NAV2: variants seen among roughly 807,000 people sequenced by gnomAD.
NAV2 encodes the protein helicase, APC down-regulated 1.
Under a neutral mutation model 223.2 loss-of-function variants are expected in NAV2, and 54 were observed. That is an observed-to-expected ratio of 0.24 (90% CI 0.19 to 0.30). NAV2 has a LOEUF of 0.30. Ranked by LOEUF, NAV2 falls within the 10% of genes least tolerant of loss-of-function variation. NAV2 has a pLI of 1.00. For synonymous variants in NAV2, 1,279 were observed against 1,239.3 expected, an observed-to-expected ratio of 1.03 and a Z score of -0.67; for missense variants, 2,806 against 3,147.5, an observed-to-expected ratio of 0.89 and a Z score of 2.60.
intron 1 of NAV2, among the ~76,000 whole-genome samples, chr11:19,657,081 G>T (rs2048148364): frequency 6.6e-6 from 1 of 152,176 alleles, no homozygotes; most frequent in Non-Finnish European, 1.5e-5. Context: ...TGTTGAGTGG[G>T]AAGTTAGCTC....
chr11:19,470,582 A>G (rs1357757214), intron 1 of NAV2, among the ~76,000 whole-genome samples: 1 of 152,198 alleles, frequency 6.6e-6, no homozygotes, highest in Non-Finnish European at 1.5e-5. Context: ...TCCCATGACA[A>G]TGACAATAAT....
intron 10 of NAV2, among the ~76,000 whole-genome samples, chr11:19,963,263 C>G (rs2048488015): frequency 6.6e-6 from 1 of 152,142 alleles, no homozygotes; most frequent in South Asian, 2.1e-4. Context: ...GTTTCTCGTC[C>G]CAGTTTTACA....
At chr11:19,912,249 C>A (rs557527050) in intron 6 of NAV2, among the ~76,000 whole-genome samples, 7 of 152,180 alleles carry the variant, frequency 4.6e-5, no homozygotes, top group Non-Finnish European at 1.0e-4. Context: ...CTCTAGGACA[C>A]TTTGCTGCTT....
chr11:19,511,009 C>A lies in NAV2; in HGVS notation c.75+159982C>A, dbSNP rs74894720. On this transcript the variant is annotated intron_variant, in intron 1 of 37. Coordinates refer to the NAV2 transcript ENST00000360655. ...GTTCACATGCTCCATGTTTTTTGATCCCCACGTAAGGCTGTGAGATAGACT... is the reference window on the plus strand; with the variant it reads ...GTTCACATGCTCCATGTTTTTTGATACCCACGTAAGGCTGTGAGATAGACT... The A allele has an allele frequency of 5.2e-3, 789 of 152,282 alleles. 3 individuals carry two copies. The highest frequency in any genetic ancestry group is 0.018 in the African/African-American group (763 of 41,558). 9.4% of individuals were successfully genotyped at this position (152,282 alleles called of 1,614,324 possible).
rs116702780 is a variant in NAV2, at chr11:20,061,960, G to T, written c.4832-347G>T. Among the ~76,000 whole-genome samples, 882 of 152,276 alleles carry T rather than the reference G, an allele frequency of 5.8e-3. 11 individuals are homozygous for T. The highest frequency in any genetic ancestry group is 0.021 in the African/African-American group (854 of 41,550). On this transcript the variant is annotated intron_variant, in intron 19 of 37. Coordinates refer to ENST00000349880, the MANE Select transcript of NAV2 (RefSeq NM_145117.5). ...GCTGGAACAGTAACAGGTTGCCTCC[G>T]GGCAATGCAATTGTGAGTCAGTGCA...
intron 1 of NAV2, among the ~76,000 whole-genome samples, chr11:19,663,300 T>G (rs542734539): frequency 6.6e-6 from 1 of 152,222 alleles, no homozygotes; most frequent in Non-Finnish European, 1.5e-5. Flanking sequence ...GGGTGCTTAT[T>G]ATATGGTGGG....
chr11:19,995,780 T>C (rs748047396), intron 11 of NAV2, among the ~76,000 whole-genome samples: 5 of 152,252 alleles, frequency 3.3e-5, no homozygotes, highest in Non-Finnish European at 7.3e-5. Context: ...GAAATTGTAG[T>C]CTTGTTTTCA....
intron 1 of NAV2, among the ~76,000 whole-genome samples, chr11:19,830,320 G>A (rs2059863370): frequency 6.6e-6 from 1 of 152,198 alleles, no homozygotes; most frequent in Non-Finnish European, 1.5e-5. Context: ...GCCACGGAAG[G>A]GATGAATAAC....
At chr11:19,444,716 TTATTATTATTACTAATTATTA>T (rs958631621) in intron 1 of NAV2, among the ~76,000 whole-genome samples, 4 of 17,418 alleles carry the variant, frequency 2.3e-4, no homozygotes, top group Non-Finnish European at 2.9e-4. Flanking sequence ...TGTTCCTTTA[TTATTATTATTACTAATTATTA>T]TATTATTACT....
chr11:19,620,528 A>G (rs1464861883), intron 1 of NAV2, among the ~76,000 whole-genome samples: 1 of 152,128 alleles, frequency 6.6e-6, no homozygotes, highest in African/African-American at 2.4e-5. Flanking sequence ...AGCAATTGTG[A>G]ATGGGCATTC....
chr11:19,868,007 ATTAG>A (rs962148872), intron 3 of NAV2, among the ~76,000 whole-genome samples: 7 of 152,286 alleles, frequency 4.6e-5, no homozygotes, highest in African/African-American at 1.4e-4. Flanking sequence ...GCAATCATTT[ATTAG>A]TTCAAAATAA....
chr11:19,950,923 G>C (rs768174234), intron 10 of NAV2, among the ~76,000 whole-genome samples: 1 of 152,232 alleles, frequency 6.6e-6, no homozygotes, highest in Non-Finnish European at 1.5e-5. Flanking sequence ...GCTAGCAGAT[G>C]GAGTGGGGAA....
In NAV2 at chr11:19,626,153, G is replaced by A. The variant is rs1212707033; in HGVS notation, c.76-206331G>A. On this transcript the variant is annotated intron_variant, in intron 1 of 37. Coordinates refer to the NAV2 transcript ENST00000360655. Reference sequence around the variant, plus strand: ...ATTTCCCTTATATTTTCTTTGAGTAGTTTTATAGTTTTGGGTCTTACGTTT... The same window carrying A: ...ATTTCCCTTATATTTTCTTTGAGTAATTTTATAGTTTTGGGTCTTACGTTT... 2.0e-5 allele frequency among the ~76,000 whole-genome samples: 3 copies of A among 152,060 alleles called. No homozygotes were observed. In the South Asian group the frequency reaches 6.2e-4, roughly 32 times the overall value.
chr11:19,933,879 A>C lies in NAV2; in HGVS notation c.1635A>C (p.Lys545Asn). Reference sequence around the variant, plus strand: ...CCAAGATTGCCAGCTTCATCCCCAAAGGGGGGAAGCTCAACAGTGCCAAGA... The same window carrying C: ...CCAAGATTGCCAGCTTCATCCCCAACGGGGGGAAGCTCAACAGTGCCAAGA... Reference protein sequence around the residue: ...KSSKIASFIPKGGKLNSAKKE... With the variant: ...KSSKIASFIPNGGKLNSAKKE... The change falls in exon 7 of 38, where the codon AAA becomes AAC. Residue 545 changes from lysine to asparagine, a missense_variant. By Grantham distance (94) the Lys-to-Asn change is moderately conservative (BLOSUM62 0). Transcript: ENST00000349880. The surrounding 1 kb of genome is among the most constrained non-coding windows in gnomAD (Gnocchi z 4.3). The C allele has an allele frequency of 6.3e-7, 1 of 1,599,820 alleles. No homozygotes were observed.
intron 1 of NAV2, among the ~76,000 whole-genome samples, chr11:19,652,217 A>C (rs1337394449): frequency 6.6e-6 from 1 of 152,156 alleles, no homozygotes. Context: ...AGGGGCTTTG[A>C]GGAGTGCTTG....
chr11:19,811,453 T>C (rs1360934775), intron 1 of NAV2, among the ~76,000 whole-genome samples: 1 of 152,100 alleles, frequency 6.6e-6, no homozygotes, highest in African/African-American at 2.4e-5. Context: ...TACAAGTCAG[T>C]GGGTTGGAGC....
chr11:19,377,032 C>A (rs1347187938), intron 1 of NAV2, among the ~76,000 whole-genome samples: 1 of 152,074 alleles, frequency 6.6e-6, no homozygotes, highest in Admixed American at 6.5e-5. Flanking sequence ...GTAAGGTGAC[C>A]CAGAGAAGGC....
chr11:19,467,741 G>C (rs1852419952), intron 1 of NAV2, among the ~76,000 whole-genome samples: 1 of 152,198 alleles, frequency 6.6e-6, no homozygotes, highest in African/African-American at 2.4e-5. Context: ...TCTAAGGGCA[G>C]GTGAGAAAAT....
intron 10 of NAV2, among the ~76,000 whole-genome samples, chr11:19,955,809 G>A (rs2047807727): frequency 6.6e-6 from 1 of 152,192 alleles, no homozygotes; most frequent in South Asian, 2.1e-4. Context: ...GACCTGGAGT[G>A]ACCTTGATAG....
Sources: gnomAD v4.1 joint callset for allele counts (sites outside exome capture counted in the v4.1 genomes callset) on GRCh38, gnomAD v4.1.1 for gene constraint, Gnocchi (gnomAD v3.1) non-coding constraint, MANE v1.5 for transcripts, NCBI Gene and HGNC (gene_info 2026-07-23, HGNC 2026-07-21) for gene names.